The following DEUP1 variants were observed in gnomAD, a reference collection of about 807,000 sequenced individuals.
DEUP1 encodes deuterosome assembly protein 1.
DEUP1 carries 82 observed loss-of-function variants against 87.4 expected under a neutral mutation model. That is an observed-to-expected ratio of 0.94 (90% CI 0.78 to 1.13). The LOEUF is 1.13. Among genes scored for constraint, DEUP1 ranks in the 50% most tolerant of loss-of-function variants. The probability of loss-of-function intolerance (pLI) is 0.00; values close to 1 mark genes in which losing one functional copy is unlikely to be tolerated. For synonymous variants in DEUP1, 214 were observed against 222.7 expected (o/e 0.96, Z 0.35); for missense variants, 663 against 681.5 (o/e 0.97, Z 0.30).
At chr11:93,419,974 C>A (rs1266249907) in intron 13 of DEUP1, among the ~76,000 whole-genome samples, 1 of 152,054 alleles carries the variant, frequency 6.6e-6, no homozygotes, top group Non-Finnish European at 1.5e-5. Flanking sequence ...CAGCCGAATT[C>A]TACCAAAGGT....
chr11:93,403,043 G>A (rs1947169657), intron 11 of DEUP1, among the ~76,000 whole-genome samples: 1 of 151,864 alleles, frequency 6.6e-6, no homozygotes, highest in Non-Finnish European at 1.5e-5. Flanking sequence ...AAATATTTAA[G>A]GTGATGATAC....
At chr11:93,358,545 TG>T (rs1426629840) in intron 4 of DEUP1, among the ~76,000 whole-genome samples, 4 of 152,182 alleles carry the variant, frequency 2.6e-5, no homozygotes, top group African/African-American at 9.7e-5. Flanking sequence ...CAATCCATCG[TG>T]TTCCAAAGAT....
chr11:93,344,017 T>A (rs1944205397), intron 2 of DEUP1, among the ~76,000 whole-genome samples: 2 of 152,174 alleles, frequency 1.3e-5, no homozygotes, highest in South Asian at 4.1e-4. Flanking sequence ...ATTTTTTGGA[T>A]GACAAAAAAG....
chr11:93,409,779 AT>A (rs1947384539), intron 12 of DEUP1, among the ~76,000 whole-genome samples: 2 of 152,164 alleles, frequency 1.3e-5, no homozygotes, highest in Non-Finnish European at 2.9e-5. Flanking sequence ...TAATTGTAAG[AT>A]TTTCATAAGG....
At chr11:93,437,048 G>A (rs888189599) in intron 13 of DEUP1, among the ~76,000 whole-genome samples, 4 of 152,050 alleles carry the variant, frequency 2.6e-5, no homozygotes, top group Non-Finnish European at 1.5e-5. Flanking sequence ...CCCTACTAGG[G>A]AGCCACCTCC....
At chr11:93,372,102 G>C (rs1296883328) in intron 7 of DEUP1, among the ~76,000 whole-genome samples, 1 of 151,362 alleles carries the variant, frequency 6.6e-6, no homozygotes, top group Non-Finnish European at 1.5e-5. Flanking sequence ...CTAATTTTTT[G>C]TATTTTTAGT....
intron 9 of DEUP1, among the ~76,000 whole-genome samples, chr11:93,393,040 T>TTCTATTTCTTTCTCCTCCTCCTC (rs1946818528): frequency 9.1e-6 from 1 of 109,914 alleles, no homozygotes; most frequent in Admixed American, 9.6e-5. Context: ...TCCTCCTCCT[T>TTCTATTTCTTTCTCCTCCTCCTC]CTACTTCTTT....
At chr11:93,396,019 G>C (rs1946932316) in intron 10 of DEUP1, among the ~76,000 whole-genome samples, 1 of 152,166 alleles carries the variant, frequency 6.6e-6, no homozygotes, top group African/African-American at 2.4e-5. Context: ...ATTATTGAAA[G>C]TATATGCTTG....
At chr11:93,377,940 T>C (rs1420522097) in intron 7 of DEUP1, among the ~76,000 whole-genome samples, 2 of 152,204 alleles carry the variant, frequency 1.3e-5, no homozygotes, top group Non-Finnish European at 2.9e-5. Context: ...TCCCAATCCC[T>C]TTCAGCTTGT....
intron 7 of DEUP1, among the ~76,000 whole-genome samples, chr11:93,371,958 TCG>T (rs1247065800): frequency 6.7e-6 from 1 of 149,684 alleles, no homozygotes; most frequent in African/African-American, 2.5e-5. Context: ...AGACGGAGTC[TCG>T]CTCTGTCGCC....
intron 5 of DEUP1, 25 bp from the exon 6 acceptor site, chr11:93,370,048 T>A (rs1945637834): frequency 8.4e-7 from 1 of 1,188,290 alleles, no homozygotes; most frequent in Non-Finnish European, 1.2e-6. Context: ...TTTTTAAATA[T>A]GTTTGTCTCC....
At chr11:93,430,382 T>G (rs2134501998) in intron 13 of DEUP1, among the ~76,000 whole-genome samples, 1 of 152,272 alleles carries the variant, frequency 6.6e-6, no homozygotes, top group East Asian at 1.9e-4. Context: ...ATACATACAA[T>G]GGAATATTAT....
In DEUP1 at chr11:93,419,033, G is replaced by C. The variant is rs1239052653; in HGVS notation, c.1638+3919G>C. Among the ~76,000 whole-genome samples the C allele has an allele frequency of 9.9e-5, 15 of 151,046 alleles. 1 individual carries two copies. Among genetic ancestry groups the C allele is most frequent in the Admixed American group, 9.9e-4 (15 of 15,172 alleles). ...AACATCACACTCTGGGGACTGTTGT[G>C]GGGTGGCGGGAGGGGGGAGGGATAG... On this transcript the variant is annotated intron_variant, in intron 13 of 13. Coordinates refer to ENST00000298050, the MANE Select transcript of DEUP1 (RefSeq NM_181645.4).
Position 93,376,051 on chromosome 11 carries a change from G to A in DEUP1, c.789+4771G>A, listed in dbSNP as rs193109934. ...TGCAACCTCTGCCTCCCTGGTTCAA[G>A]CAATTCTTCTACCTCAGCCTCCTGA... On this transcript the variant is annotated intron_variant, in intron 7 of 13. Transcript: ENST00000298050. 4.6e-3 allele frequency among the ~76,000 whole-genome samples: 707 copies of A among 152,242 alleles called. 3 individuals carry two copies. The highest frequency in any genetic ancestry group is 0.016 in the African/African-American group (676 of 41,526).
intron 13 of DEUP1, among the ~76,000 whole-genome samples, chr11:93,435,502 C>G (rs994868188): frequency 6.6e-6 from 1 of 152,188 alleles, no homozygotes; most frequent in Non-Finnish European, 1.5e-5. Context: ...GATAGCATAG[C>G]CTTGTTCCAG....
At chr11:93,388,928 C>T (rs1015524306) in intron 8 of DEUP1, 92 bp from the exon 9 acceptor site, 17 of 707,270 alleles carry the variant, frequency 2.4e-5, no homozygotes, top group Admixed American at 6.8e-5. Flanking sequence ...GATCTATCTC[C>T]GCAGCCTGTA....
intron 13 of DEUP1, among the ~76,000 whole-genome samples, chr11:93,419,217 T>A (rs987158754): frequency 3.3e-5 from 5 of 149,846 alleles, no homozygotes; most frequent in African/African-American, 1.2e-4. Context: ...GTGGCTTGGA[T>A]AGCAGCAAGA....
At chr11:93,375,323 A>G (rs1945985151) in intron 7 of DEUP1, among the ~76,000 whole-genome samples, 1 of 152,150 alleles carries the variant, frequency 6.6e-6, no homozygotes, top group South Asian at 2.1e-4. Context: ...GACTTTCAGT[A>G]CTATGTTGAA....
intron 9 of DEUP1, among the ~76,000 whole-genome samples, chr11:93,393,507 T>G (rs1946837164): frequency 1.3e-5 from 2 of 151,934 alleles, no homozygotes; most frequent in Non-Finnish European, 1.5e-5. Flanking sequence ...TAATTGGCAT[T>G]CATTCATCCT....
Sources: gnomAD v4.1 joint callset for allele counts (sites outside exome capture counted in the v4.1 genomes callset) on GRCh38, gnomAD v4.1.1 for gene constraint, MANE v1.5 for transcripts, NCBI Gene and HGNC (gene_info 2026-07-23, HGNC 2026-07-21) for gene names.